PIK3R5: variants seen among roughly 807,000 people sequenced by gnomAD.
PIK3R5 encodes the protein phosphoinositide-3-kinase regulatory subunit 5, also known as phosphoinositide 3-kinase regulatory subunit 5.
Under a neutral mutation model 94.9 loss-of-function variants are expected in PIK3R5, and 32 were observed. The observed-to-expected ratio is 0.34, with a 90% CI of 0.25 to 0.45. PIK3R5 has a LOEUF of 0.45. Among genes scored for constraint, PIK3R5 ranks in the 20% least tolerant of loss-of-function variants. PIK3R5 has a pLI of 1.00. For missense variants in PIK3R5, 853 were observed against 1,144.6 expected, an observed-to-expected ratio of 0.75 and a Z score of 3.68; for synonymous variants, 443 against 479.4, an observed-to-expected ratio of 0.92 and a Z score of 0.99.
In PIK3R5 at chr17:8,886,485, G is replaced by A. The variant is rs2089862140; in HGVS notation, c.2026C>T (p.Gln676Ter). 1 of 1,605,364 alleles carries A rather than the reference G, an allele frequency of 6.2e-7. No individual in the cohort carries two copies. The highest frequency in any genetic ancestry group is 1.7e-5 in the Admixed American group (1 of 59,248). The change falls in exon 13 of 19, where the codon CAG becomes TAG. Residue 676 changes from glutamine (Q) to a stop codon, truncating the protein, a stop_gained. Transcript: ENST00000447110. LOFTEE classifies it high-confidence loss of function. ...GGGCAGGGAGGCCTTACCTCGGTCT[G>A]ATAGACTTGCAGCAGCACCGGTCTG... ...AARPVLLQVY[Q>*]TELTFITGEK...
chr17:8,908,997 G>C (rs1294834399), intron 3 of PIK3R5, 77 bp downstream of exon 3: 5 of 888,270 alleles, frequency 5.6e-6, no homozygotes, highest in Non-Finnish European at 9.1e-6. Flanking sequence ...ACCCAGGAAT[G>C]ATGTTCTCTG....
rs117509914 is a variant in PIK3R5, at chr17:8,934,383, C to T, written c.-13-22876G>A. 1.2e-3 allele frequency among the ~76,000 whole-genome samples: 179 copies of T among 152,256 alleles called. 1 individual carries two copies. The highest frequency in any genetic ancestry group is 2.6e-3 in the Admixed American group (40 of 15,298). On this transcript the variant is annotated intron_variant, in intron 1 of 18. Transcript: ENST00000447110. The stretch of plus-strand genomic sequence containing the variant: ...ACCAAAGAATGTGGAAAACCCCCAC[C>T]ATTAAAACTACAAGACATTGCTAAG...
In PIK3R5 at chr17:8,887,187, T is replaced by G. The variant is rs1490650174; in HGVS notation, c.1814A>C (p.Asn605Thr). Residue 605 changes from asparagine (N) to threonine (T), a missense_variant, in exon 12 of 19, where the codon AAT becomes ACT. Transcript: ENST00000447110. ...LGTTPWEEST[N>T]DISHYLGMLD... ...CATGCCGAGGTAGTGGGAGATGTCATTGGTGCTCTCCTCCCATGGGGTGGT... is the reference window on the plus strand; with the variant it reads ...CATGCCGAGGTAGTGGGAGATGTCAGTGGTGCTCTCCTCCCATGGGGTGGT... 6.2e-7 allele frequency: 1 copy of G among 1,613,804 alleles called. No homozygotes were observed. The highest frequency in any genetic ancestry group is 8.5e-7 in the Non-Finnish European group (1 of 1,179,936).
intron 1 of PIK3R5, among the ~76,000 whole-genome samples, chr17:8,948,016 C>G (rs1011299933): frequency 2.2e-4 from 31 of 141,950 alleles, no homozygotes; most frequent in Admixed American, 3.7e-4. Flanking sequence ...GCACTCCAGC[C>G]TGGGCGACAG....
chr17:8,952,314 T>G (rs1184518811), intron 1 of PIK3R5, among the ~76,000 whole-genome samples: 2 of 152,218 alleles, frequency 1.3e-5, no homozygotes, highest in Non-Finnish European at 2.9e-5. Context: ...AGAAATGATG[T>G]TTTTGTTTTT....
chr17:8,943,498 C>T (rs1407850298), intron 1 of PIK3R5, among the ~76,000 whole-genome samples: 1 of 151,490 alleles, frequency 6.6e-6, no homozygotes, highest in Non-Finnish European at 1.5e-5. Flanking sequence ...CTTGGCTGGG[C>T]GCGGTGGCTC....
At chr17:8,960,368 A>G (rs1007650486) in intron 1 of PIK3R5, among the ~76,000 whole-genome samples, 3 of 152,222 alleles carry the variant, frequency 2.0e-5, no homozygotes, top group African/African-American at 7.2e-5. Context: ...TTCCCTTTCC[A>G]TAATCTCATA....
At chr17:8,951,218 A>C (rs1016498836) in intron 1 of PIK3R5, among the ~76,000 whole-genome samples, 19 of 152,194 alleles carry the variant, frequency 1.2e-4, no homozygotes, top group African/African-American at 4.6e-4. Context: ...TGACAGATGC[A>C]TAGTCTGCAA....
chr17:8,914,302 G>C (rs2090589488), intron 1 of PIK3R5, among the ~76,000 whole-genome samples: 1 of 152,206 alleles, frequency 6.6e-6, no homozygotes. Flanking sequence ...GGAGAGAGTT[G>C]ACACTGGTAT....
Position 8,890,220 on chromosome 17 carries a change from A to G in PIK3R5, c.658-94T>C. 7.4e-7 allele frequency: 1 copy of G among 1,346,670 alleles called. No individual in the cohort carries two copies. The highest frequency in any genetic ancestry group is 2.4e-5 in the East Asian group (1 of 41,366). 83.4% of individuals were successfully genotyped at this position (1,346,670 alleles called of 1,614,324 possible). A position where few individuals can be genotyped will look rare whatever the true frequency, so the allele number is the denominator to read the frequency against. ...TAGCTTCTTACTGAGGGAGGCAGTG[A>G]TCTGTCCCCTCCCAGCCTCATCACC... On this transcript the variant is annotated intron_variant, in intron 7 of 18. Transcript: ENST00000447110. This position sits in a 1 kb window ranked among gnomAD's most constrained non-coding sequence, Gnocchi z 6.1.
At position 8,893,735 on chromosome 17, in the gene PIK3R5, C is replaced by G; in HGVS notation, c.413-80G>C. ...CGTGTGCCTCGTGGGGAGCCAAGCACTGGACAATCAGGTTGGAAATTCCCG... is the reference window on the plus strand; with the variant it reads ...CGTGTGCCTCGTGGGGAGCCAAGCAGTGGACAATCAGGTTGGAAATTCCCG... On this transcript the variant is annotated intron_variant, in intron 5 of 18. Coordinates refer to ENST00000447110, the MANE Select transcript of PIK3R5 (RefSeq NM_001142633.3). This position sits in a 1 kb window ranked among gnomAD's most constrained non-coding sequence, Gnocchi z 5.1. The G allele has an allele frequency of 9.2e-7, 1 of 1,091,700 alleles. No individual in the cohort carries two copies. Among genetic ancestry groups the G allele is most frequent in the Non-Finnish European group, 1.4e-6 (1 of 713,548 alleles). 67.6% of individuals were successfully genotyped at this position (1,091,700 alleles called of 1,614,324 possible). A position where few individuals can be genotyped will look rare whatever the true frequency, so the allele number is the denominator to read the frequency against.
Position 8,888,796 on chromosome 17 carries a change from C to T in PIK3R5, c.991G>A (p.Glu331Lys), listed in dbSNP as rs1354101458. The T allele has an allele frequency of 4.3e-6, 7 of 1,612,034 alleles. No individual in the cohort carries two copies. The East Asian group carries it at 1.6e-4, about 36-fold the overall frequency. Residue 331 changes from glutamate (E) to lysine (K), a missense_variant, in exon 10 of 19, where the codon GAG becomes AAG. By Grantham distance (56) the Glu-to-Lys change is moderately conservative. Coordinates refer to ENST00000447110, the MANE Select transcript of PIK3R5 (RefSeq NM_001142633.3). This position sits in a 1 kb window ranked among gnomAD's most constrained non-coding sequence, Gnocchi z 7.8. ...TGCCCGTCAGTTTCCAAGTCCTCCT[C>T]CACCTCCTCCTCCTCCTCTTCCTCC... ...EEEEEEEEEV[E>K]EDLETDGHCA...
At chr17:8,885,448 AC>A (rs1393040417) in intron 14 of PIK3R5, among the ~76,000 whole-genome samples, 1 of 122,800 alleles carries the variant, frequency 8.1e-6, no homozygotes, top group Non-Finnish European at 1.6e-5. Context: ...CTCCTGGGTA[AC>A]CCCGCCCTCC....
chr17:8,897,736 C>T (rs956450686), intron 5 of PIK3R5, among the ~76,000 whole-genome samples: 3 of 152,182 alleles, frequency 2.0e-5, no homozygotes, highest in Non-Finnish European at 2.9e-5. Flanking sequence ...CCCCTCACCT[C>T]CTTCTTTCTG....
rs1567631031 is a variant in PIK3R5 at position 8,882,932 on chromosome 17, G to A, written c.2206-1051C>T. On this transcript the variant is annotated intron_variant, in intron 15 of 18. Transcript: ENST00000447110. This position sits in a 1 kb window ranked among gnomAD's most constrained non-coding sequence, Gnocchi z 4.1. ...CCTAACTGGCCTTCCTGCATCACTT[G>A]TGGACCCTTCCTATCTGTCCTCCAC... Among the ~76,000 whole-genome samples, 1 of 152,194 alleles carries A rather than the reference G, an allele frequency of 6.6e-6. No individual in the cohort carries two copies. Among genetic ancestry groups the A allele is most frequent in the Non-Finnish European group, 1.5e-5 (1 of 68,048 alleles).
At position 8,881,950 on chromosome 17, in the gene PIK3R5, GC is replaced by G. The variant is rs555783359; in HGVS notation, c.2206-70del. ...GGTGCCTGCTGCCTTCTCTTTGAAG[GC>G]CCATCAGTGACAGGGGGTTGCCTCT... is the stretch of plus-strand genomic sequence containing the variant. On this transcript the variant is annotated intron_variant, in intron 15 of 18. Coordinates refer to ENST00000447110, the MANE Select transcript of PIK3R5 (RefSeq NM_001142633.3). This position sits in a 1 kb window ranked among gnomAD's most constrained non-coding sequence, Gnocchi z 4.8. 282 of 1,209,560 alleles carry G rather than the reference GC, an allele frequency of 2.3e-4. 1 individual carries two copies. In the South Asian group the frequency reaches 3.4e-3, roughly 15 times the overall value. 74.9% of individuals were successfully genotyped at this position (1,209,560 alleles called of 1,614,324 possible). A position where few individuals can be genotyped will look rare whatever the true frequency, so the allele number is the denominator to read the frequency against.
intron 5 of PIK3R5, among the ~76,000 whole-genome samples, chr17:8,901,790 T>C (rs572769718): frequency 2.0e-5 from 3 of 152,346 alleles, no homozygotes; most frequent in South Asian, 4.1e-4. Flanking sequence ...TTTTTAATAA[T>C]TGAATATCAT....
At chr17:8,930,807 T>C (rs1176372340) in intron 1 of PIK3R5, among the ~76,000 whole-genome samples, 1 of 152,220 alleles carries the variant, frequency 6.6e-6, no homozygotes, top group Non-Finnish European at 1.5e-5. Context: ...CATTGCACAA[T>C]ACTTTTGAAG....
chr17:8,881,596 G>A lies in PIK3R5; in HGVS notation c.2382+34C>T. 1 of 1,486,094 alleles carries A rather than the reference G, an allele frequency of 6.7e-7. No individual in the cohort carries two copies. Among genetic ancestry groups the A allele is most frequent in the East Asian group, 2.3e-5 (1 of 44,232 alleles). The allele number at this position is 1,486,094 out of a possible 1,614,324, so 92.1% of individuals were successfully genotyped here. Reference sequence around the variant, plus strand: ...ACATGCACGCTCCAGTAAGTCTCTTGAGGGTATGGCTGGAAGGAGAGGGAA... The same window carrying A: ...ACATGCACGCTCCAGTAAGTCTCTTAAGGGTATGGCTGGAAGGAGAGGGAA... On this transcript the variant is annotated intron_variant, in intron 17 of 18. Transcript: ENST00000447110. The surrounding 1 kb of genome is among the most constrained non-coding windows in gnomAD (Gnocchi z 4.8).
Sources: gnomAD v4.1 joint callset for allele counts (sites outside exome capture counted in the v4.1 genomes callset) on GRCh38, gnomAD v4.1.1 for gene constraint, Gnocchi (gnomAD v3.1) non-coding constraint, MANE v1.5 for transcripts, NCBI Gene and HGNC (gene_info 2026-07-23, HGNC 2026-07-21) for gene names.